RBMX2: variants seen among roughly 807,000 people sequenced by gnomAD.
The protein encoded by RBMX2 is RNA binding motif protein X-linked 2.
For synonymous variants in RBMX2, 77 were observed against 94.3 expected (o/e 0.82, Z 1.07); for missense variants, 191 against 256.0 (o/e 0.75, Z 1.73).
At position 130,403,837 on chromosome X, in the gene RBMX2, A is replaced by C; in HGVS notation, c.157A>C (p.Ile53Leu). 1.7e-6 allele frequency: 2 copies of C among 1,210,591 alleles called. No homozygotes were observed. Among genetic ancestry groups the C allele is most frequent in the Non-Finnish European group, 2.2e-6 (2 of 894,060 alleles). Residue 53 changes from isoleucine (I) to leucine (L), a missense_variant, in exon 3 of 6, where the codon ATC becomes CTC. Ile to Leu is a conservative substitution (Grantham distance 5, BLOSUM62 2). Transcript: ENST00000305536. ...TTATGAACTGACTGAAGGGGACATC[A>C]TCTGTGTGTTCTCACAGTAAGTGTC... ...LPYELTEGDI[I>L]CVFSQYGEIV... is the part of the protein sequence containing the mutation.
rs1169992194 is a variant in RBMX2, at chrX:130,402,005, C to G, written c.-28C>G. The G allele has an allele frequency of 8.4e-7, 1 of 1,190,821 alleles. No homozygotes were observed. Among genetic ancestry groups the G allele is most frequent in the Non-Finnish European group, 1.1e-6 (1 of 884,082 alleles). Reference sequence around the variant, plus strand: ...GCGCTGCCTTTCCCGGGCGCTGATTCCTGAGTGCTGAGCGCGAACCCGAGG... The same window carrying G: ...GCGCTGCCTTTCCCGGGCGCTGATTGCTGAGTGCTGAGCGCGAACCCGAGG... On this transcript the variant is annotated 5_prime_UTR_variant, in exon 1 of 6. Transcript: ENST00000305536.
intron 3 of RBMX2, chrX:130,404,333 C>T (rs995743873): frequency 1.7e-5 from 2 of 117,101 alleles, no homozygotes; most frequent in African/African-American, 6.4e-5. Context: ...TGCCTGGAGG[C>T]TGAGAATCAC....
chrX:130,409,146 C>A, intron 3 of RBMX2, 111 bp from the exon 4 acceptor site: 1 of 606,881 alleles, frequency 1.6e-6, no homozygotes, highest in Non-Finnish European at 2.4e-6. Flanking sequence ...TCATCTTGTT[C>A]TAGATGCATC....
At chrX:130,407,912 G>A (rs1198907369) in intron 3 of RBMX2, among the ~76,000 whole-genome samples, 3 of 111,216 alleles carry the variant, frequency 2.7e-5, no homozygotes, top group East Asian at 5.6e-4. Flanking sequence ...CTATGGCCTC[G>A]GCTTCCCAAA....
intron 3 of RBMX2, 24 bp downstream of exon 3, chrX:130,403,877 C>T (rs374149853): frequency 2.8e-4 from 333 of 1,191,312 alleles, no homozygotes; most frequent in Non-Finnish European, 3.2e-4. Context: ...CATTTCCTGC[C>T]TCCTGAGTCG....
chrX:130,402,011 T>A lies in RBMX2; in HGVS notation c.-22T>A. On this transcript the variant is annotated 5_prime_UTR_variant, in exon 1 of 6. Coordinates refer to ENST00000305536, the MANE Select transcript of RBMX2 (RefSeq NM_016024.4). ...CCTTTCCCGGGCGCTGATTCCTGAG[T>A]GCTGAGCGCGAACCCGAGGAGATGA... 1.7e-6 allele frequency: 2 copies of A among 1,193,925 alleles called. No individual in the cohort carries two copies. The highest frequency in any genetic ancestry group is 2.3e-6 in the Non-Finnish European group (2 of 886,274).
chrX:130,412,178 G>A (rs1294110011), intron 5 of RBMX2, among the ~76,000 whole-genome samples, 183 bp from the exon 6 acceptor site: 1 of 107,585 alleles, frequency 9.3e-6, no homozygotes, highest in Non-Finnish European at 1.9e-5. Context: ...CGCCTGTCTT[G>A]GCCTCCCAAA....
In RBMX2 at chrX:130,412,620, C is replaced by G; in HGVS notation, c.741C>G (p.Pro247=). ...AGAGGGAGCTGAAGAAGGAGAAACC[C>G]AAGCACGAGCACAAGTCCTCAAGCA... ...DLERELKKEK[P]KHEHKSSSRR... Residue 247 remains proline, a synonymous_variant, in exon 6 of 6, where the codon CCC becomes CCG. Coordinates refer to ENST00000305536, the MANE Select transcript of RBMX2 (RefSeq NM_016024.4). 2 of 1,209,080 alleles carry G rather than the reference C, an allele frequency of 1.7e-6. No homozygotes were observed. The highest frequency in any genetic ancestry group is 3.5e-5 in the South Asian group (2 of 56,765).
intron 4 of RBMX2, among the ~76,000 whole-genome samples, chrX:130,410,318 T>C (rs2034505957): frequency 9.1e-6 from 1 of 110,279 alleles, no homozygotes; most frequent in Non-Finnish European, 1.9e-5. Context: ...TTTGGATGAC[T>C]TTGCCTAGGG....
At position 130,411,377 on chromosome X, in the gene RBMX2, T is replaced by C. The variant is rs770111184; in HGVS notation, c.333T>C (p.His111=). Residue 111 remains histidine (H), a synonymous_variant, in exon 5 of 6, where the codon CAT becomes CAC. Coordinates refer to ENST00000305536, the MANE Select transcript of RBMX2 (RefSeq NM_016024.4). Reference sequence around the variant, plus strand: ...AAGGAAGAACTATCCGAGTGGATCATGTGTCTAACTATCGGGCTCCTAAGG... The same window carrying C: ...AAGGAAGAACTATCCGAGTGGATCACGTGTCTAACTATCGGGCTCCTAAGG... ...KIKGRTIRVD[H]VSNYRAPKDS... is the part of the protein sequence containing the mutation. The C allele has an allele frequency of 2.6e-5, 31 of 1,197,663 alleles. No homozygotes were observed. In the South Asian group the frequency reaches 5.4e-4, roughly 21 times the overall value.
At chrX:130,402,469 C>T in intron 2 of RBMX2, 99 bp downstream of exon 2, 1 of 1,105,436 alleles carries the variant, frequency 9.0e-7, no homozygotes, top group African/African-American at 1.8e-5. Context: ...TTACATTCAT[C>T]GCCCACCTTC....
rs1276228822 is a variant in RBMX2, at chrX:130,401,988, T to C, written c.-45T>C. Reference sequence around the variant, plus strand: ...GGGGCCGCGCATGCGCTGCGCTGCCTTTCCCGGGCGCTGATTCCTGAGTGC... The same window carrying C: ...GGGGCCGCGCATGCGCTGCGCTGCCCTTCCCGGGCGCTGATTCCTGAGTGC... On this transcript the variant is annotated 5_prime_UTR_variant, in exon 1 of 6. Transcript: ENST00000305536. 8.5e-7 allele frequency: 1 copy of C among 1,179,285 alleles called. No individual in the cohort carries two copies. Among genetic ancestry groups the C allele is most frequent in the Non-Finnish European group, 1.1e-6 (1 of 876,885 alleles).
chrX:130,412,414 G>C lies in RBMX2; in HGVS notation c.535G>C (p.Val179Leu). 8.3e-7 allele frequency: 1 copy of C among 1,205,501 alleles called. No individual in the cohort carries two copies. Among genetic ancestry groups the C allele is most frequent in the Non-Finnish European group, 1.1e-6 (1 of 893,683 alleles). Residue 179 changes from valine to leucine, a missense_variant, in exon 6 of 6, where the codon GTA (valine) becomes CTA (leucine). By Grantham distance (32) the Val-to-Leu change is conservative. Transcript: ENST00000305536. ...KKEKEKADRE[V>L]QAEQPSSSSP... ...AGAAAAAGAGAAAGCCGACCGGGAG[G>C]TACAGGCAGAGCAACCATCCTCTTC...
chrX:130,410,072 G>C (rs2034505019), intron 4 of RBMX2, among the ~76,000 whole-genome samples: 1 of 111,614 alleles, frequency 9.0e-6, no homozygotes, highest in Admixed American at 9.5e-5. Context: ...GCTTGAGTTG[G>C]AGAGTTTGTC....
chrX:130,402,224 T>TCCCCCC (rs2034458582), intron 1 of RBMX2, 31 bp from the exon 2 acceptor site: 1 of 1,166,247 alleles, frequency 8.6e-7, no homozygotes, highest in African/African-American at 1.8e-5. Context: ...CTTTTCTGCC[T>TCCCCCC]ACCCTCCCCA....
intron 3 of RBMX2, 82 bp downstream of exon 3, chrX:130,403,935 A>G (rs2034470260): frequency 1.1e-6 from 1 of 949,569 alleles, no homozygotes; most frequent in South Asian, 2.0e-5. Flanking sequence ...CACAAAAACC[A>G]CTTATTTTCA....
intron 3 of RBMX2, chrX:130,404,204 C>T: frequency 4.6e-6 from 1 of 218,982 alleles, no homozygotes; most frequent in Non-Finnish European, 8.4e-6. Context: ...TGGCCCTTAC[C>T]TGTGTGGCGT....
Position 130,402,384 on chromosome X carries a change from C to T in RBMX2, c.121+14C>T. ...GGATCTTCCTGGGTGAGGTCCACAT[C>T]TTTCTTCCTCAGTGCTCTCCAGATT... On this transcript the variant is annotated intron_variant, in intron 2 of 5. Coordinates refer to ENST00000305536, the MANE Select transcript of RBMX2 (RefSeq NM_016024.4). 3.3e-6 allele frequency: 4 copies of T among 1,203,733 alleles called. No homozygotes were observed. Among genetic ancestry groups the T allele is most frequent in the Non-Finnish European group, 4.5e-6 (4 of 891,543 alleles).
In RBMX2 at chrX:130,412,477, A is replaced by G. The variant is rs770530125; in HGVS notation, c.598A>G (p.Thr200Ala). 41 of 1,207,306 alleles carry G rather than the reference A, an allele frequency of 3.4e-5. No homozygotes were observed. In the East Asian group the frequency reaches 1.2e-3, roughly 34 times the overall value. Residue 200 changes from threonine to alanine, a missense_variant, in exon 6 of 6, where the codon ACT (threonine) becomes GCT (alanine). By Grantham distance (58) the Thr-to-Ala change is moderately conservative. Transcript: ENST00000305536. ...RRKTVKEKDD[T>A]GPKKHSSKNS... is the part of the protein sequence containing the mutation. ...CAAGACAGTAAAGGAAAAGGATGAC[A>G]CTGGCCCTAAGAAGCACAGCAGCAA...
Sources: gnomAD v4.1 joint callset for allele counts (sites outside exome capture counted in the v4.1 genomes callset) on GRCh38, gnomAD v4.1.1 for gene constraint, MANE v1.5 for transcripts, NCBI Gene and HGNC (gene_info 2026-07-23, HGNC 2026-07-21) for gene names.